Variants in FNDC8 observed in about 807,000 individuals in gnomAD.
The protein encoded by FNDC8 is fibronectin type III domain containing 8.
FNDC8 carries 23 observed loss-of-function variants against 24.8 expected under a neutral mutation model. The observed-to-expected ratio is 0.93, with a 90% CI of 0.67 to 1.31. The LOEUF (loss-of-function observed/expected upper bound fraction) is 1.31. FNDC8 is among the 40% of genes most tolerant of loss of function. The pLI, the probability that FNDC8 is intolerant of heterozygous loss-of-function variation, is 0.00. For missense variants in FNDC8, 371 were observed against 398.2 expected, an observed-to-expected ratio of 0.93 and a Z score of 0.58; for synonymous variants, 158 against 165.3, an observed-to-expected ratio of 0.96 and a Z score of 0.34.
At chr17:35,123,570 T>G (rs1369375848) in intron 1 of FNDC8, among the ~76,000 whole-genome samples, 3 of 152,026 alleles carry the variant, frequency 2.0e-5, no homozygotes. Context: ...AAACCTCGTC[T>G]CTACTAAAAA....
Position 35,127,040 on chromosome 17 carries a change from A to T in FNDC8, c.210-2A>T, listed in dbSNP as rs769222137. On this transcript the variant is annotated splice_acceptor_variant, in intron 1 of 3. Coordinates refer to ENST00000158009, the MANE Select transcript of FNDC8 (RefSeq NM_017559.4). LOFTEE classifies it high-confidence loss of function. Reference sequence around the variant, plus strand: ...ATTCACCTGTCTCCCCTTTTGCTCCAGGAAGCCGCTGCCAGTAGAGGATTC... The same window carrying T: ...ATTCACCTGTCTCCCCTTTTGCTCCTGGAAGCCGCTGCCAGTAGAGGATTC... 2.4e-5 allele frequency: 37 copies of T among 1,572,622 alleles called. No individual in the cohort carries two copies. Among genetic ancestry groups the T allele is most frequent in the Non-Finnish European group, 2.9e-5 (34 of 1,154,546 alleles).
At position 35,124,543 on chromosome 17, in the gene FNDC8, A is replaced by G. The variant is rs1392227142; in HGVS notation, c.210-2499A>G. On this transcript the variant is annotated intron_variant, in intron 1 of 3. Transcript: ENST00000158009. ...CTCCATCTCAAAAATAAATAAATAA[A>G]TAAATAAAATAAACTATAATAGAAT... is the stretch of plus-strand genomic sequence containing the variant. 3.9e-5 allele frequency among the ~76,000 whole-genome samples: 6 copies of G among 152,254 alleles called. No homozygotes were observed. The South Asian group carries it at 6.2e-4, about 16-fold the overall frequency.
chr17:35,130,553 T>A lies in FNDC8; in HGVS notation c.*119T>A. ...CCTGCGGGCCCGGGGTCTGGCAGAG[T>A]GGTATGGGCACCCCACCCCTGGGCT... On this transcript the variant is annotated 3_prime_UTR_variant, in exon 4 of 4. Transcript: ENST00000158009. 2 of 1,090,856 alleles carry A rather than the reference T, an allele frequency of 1.8e-6. No individual in the cohort carries two copies. Among genetic ancestry groups the A allele is most frequent in the Non-Finnish European group, 2.6e-6 (2 of 775,296 alleles). 67.6% of individuals were successfully genotyped at this position (1,090,856 alleles called of 1,614,324 possible). A position where few individuals can be genotyped will look rare whatever the true frequency, so the allele number is the denominator to read the frequency against.
In FNDC8 at chr17:35,126,497, C is replaced by CATTTTTTTTTTTT. The variant is rs1555571324; in HGVS notation, c.210-545_210-544insATTTTTTTTTTTT. Among the ~76,000 whole-genome samples the CATTTTTTTTTTTT allele has an allele frequency of 8.0e-5, 9 of 112,046 alleles. 2 individuals are homozygous for CATTTTTTTTTTTT. Among genetic ancestry groups the CATTTTTTTTTTTT allele is most frequent in the Non-Finnish European group, 1.8e-5 (1 of 55,106 alleles). The allele number at this position is 112,046 out of a possible 152,430, so 73.5% of individuals were successfully genotyped here. On this transcript the variant is annotated intron_variant, in intron 1 of 3. Transcript: ENST00000158009. ...AACACTTGCATCAGGATTTTCTAAG[C>CATTTTTTTTTTTT]TTTTTTTTTTTTTTTTTTTTTTTGA...
chr17:35,122,039 C>T, intron 1 of FNDC8, 137 bp downstream of exon 1: 1 of 662,414 alleles, frequency 1.5e-6, no homozygotes, highest in Non-Finnish European at 2.5e-6. Context: ...GGCTGGAGTG[C>T]AGTGGTGCAA....
intron 2 of FNDC8, 21 bp downstream of exon 2, chr17:35,127,438 C>T (rs776696520): frequency 7.2e-6 from 11 of 1,522,568 alleles, no homozygotes; most frequent in Non-Finnish European, 9.7e-6. Context: ...CTTGCTCATG[C>T]GTTCAGCAGA....
chr17:35,124,877 A>T (rs972114885), intron 1 of FNDC8, among the ~76,000 whole-genome samples: 1 of 151,632 alleles, frequency 6.6e-6, no homozygotes, highest in African/African-American at 2.4e-5. Flanking sequence ...GTAAAACCCC[A>T]TCTCTACTAA....
intron 2 of FNDC8, chr17:35,129,046 C>T (rs959161094): frequency 1.9e-5 from 4 of 207,136 alleles, no homozygotes; most frequent in South Asian, 2.0e-4. Context: ...TACCCTGAGC[C>T]GTGGGGAGCA....
intron 3 of FNDC8, 50 bp downstream of exon 3, chr17:35,129,708 CAGGGAA>C (rs763031217): frequency 1.9e-6 from 3 of 1,585,846 alleles, no homozygotes; most frequent in Non-Finnish European, 2.6e-6. Flanking sequence ...AGTCCAAAGC[CAGGGAA>C]CCAGGGCTTT....
chr17:35,123,755 CA>C (rs952582582), intron 1 of FNDC8, among the ~76,000 whole-genome samples: 10 of 147,774 alleles, frequency 6.8e-5, no homozygotes, highest in African/African-American at 2.6e-4. Context: ...AAAAACAAAA[CA>C]AAACAAAAAA....
chr17:35,123,054 G>A (rs1198920567), intron 1 of FNDC8, among the ~76,000 whole-genome samples: 1 of 152,190 alleles, frequency 6.6e-6, no homozygotes, highest in Non-Finnish European at 1.5e-5. Flanking sequence ...CAGTGAAGGG[G>A]TGGTGGTACA....
chr17:35,125,831 T>C (rs1458316061), intron 1 of FNDC8, among the ~76,000 whole-genome samples: 2 of 152,216 alleles, frequency 1.3e-5, no homozygotes, highest in Non-Finnish European at 2.9e-5. Context: ...ATTCTTGATA[T>C]TTTTGTATAA....
intron 3 of FNDC8, chr17:35,130,048 G>C: frequency 7.1e-7 from 1 of 1,406,500 alleles, no homozygotes; most frequent in East Asian, 2.6e-5. Context: ...GTAGGGGTAT[G>C]GGGGTATAGA....
chr17:35,121,657 T>C lies in FNDC8; in HGVS notation c.-37T>C, dbSNP rs554083806. 35 of 1,604,860 alleles carry C rather than the reference T, an allele frequency of 2.2e-5. No individual in the cohort carries two copies. In the Middle Eastern group the frequency reaches 5.0e-4, roughly 23 times the overall value. The stretch of plus-strand genomic sequence containing the variant: ...TCTCTGCTTCTGGTCAGCTGGGTTG[T>C]CCTGCATGGTGACGGGTGTCATCCC... On this transcript the variant is annotated 5_prime_UTR_variant, in exon 1 of 4. Coordinates refer to ENST00000158009, the MANE Select transcript of FNDC8 (RefSeq NM_017559.4).
intron 1 of FNDC8, 31 bp downstream of exon 1, chr17:35,121,933 C>CCCTCCCTCCCTCCCTTCCTT: frequency 7.1e-7 from 1 of 1,399,986 alleles, no homozygotes; most frequent in Non-Finnish European, 1.0e-6. Context: ...CTCCCTCCCT[C>CCCTCCCTCCCTCCCTTCCTT]CCTCCCTCCC....
rs1597883827 is a variant in FNDC8, at chr17:35,127,478, T to A, written c.585+61T>A. 2.7e-6 allele frequency: 4 copies of A among 1,481,760 alleles called. No individual in the cohort carries two copies. In the East Asian group the frequency reaches 9.2e-5, roughly 34 times the overall value. 91.8% of individuals were successfully genotyped at this position (1,481,760 alleles called of 1,614,324 possible). A position where few individuals can be genotyped will look rare whatever the true frequency, so the allele number is the denominator to read the frequency against. On this transcript the variant is annotated intron_variant, in intron 2 of 3. Transcript: ENST00000158009. ...TATTGTGCCAGGCACTGAGCTGAGC[T>A]CCATGGGTAGTGAGAAGGTGCCTGC...
intron 2 of FNDC8, 94 bp from the exon 3 acceptor site, chr17:35,129,328 T>G (rs999940272): frequency 5.5e-5 from 83 of 1,497,770 alleles, no homozygotes; most frequent in Admixed American, 1.1e-4. Flanking sequence ...GAGCAGGGGA[T>G]GGGCATGGGA....
At chr17:35,122,157 C>CATAT (rs1161260066) in intron 1 of FNDC8, among the ~76,000 whole-genome samples, 25 of 36,414 alleles carry the variant, frequency 6.9e-4, no homozygotes, top group Admixed American at 1.0e-3. Context: ...GGCTAATTTT[C>CATAT]ATATATATAT....
At chr17:35,129,813 G>A (rs1386699062) in intron 3 of FNDC8, 155 bp downstream of exon 3, 3 of 1,440,022 alleles carry the variant, frequency 2.1e-6, no homozygotes, top group Non-Finnish European at 2.7e-6. Context: ...CAGAATGCAT[G>A]CTTCTGGGAG....
Sources: gnomAD v4.1 joint callset for allele counts (sites outside exome capture counted in the v4.1 genomes callset) on GRCh38, gnomAD v4.1.1 for gene constraint, MANE v1.5 for transcripts, NCBI Gene and HGNC (gene_info 2026-07-23, HGNC 2026-07-21) for gene names.